KIAA1549L: variants seen among roughly 807,000 people sequenced by gnomAD.
KIAA1549L encodes the protein KIAA1549 like.
Under a neutral mutation model 160.7 loss-of-function variants are expected in KIAA1549L, and 88 were observed. That is an observed-to-expected ratio of 0.55 (90% confidence interval 0.46 to 0.65). The LOEUF (loss-of-function observed/expected upper bound fraction) is 0.65. Ranked by LOEUF, KIAA1549L falls within the 30% of genes least tolerant of loss-of-function variation. The pLI is 0.00. For missense variants in KIAA1549L, 2,258 were observed against 2,437.5 expected (o/e 0.93, Z 1.55); for synonymous variants, 950 against 976.7 (o/e 0.97, Z 0.51).
intron 1 of KIAA1549L, among the ~76,000 whole-genome samples, chr11:33,507,292 A>T (rs1853113785): frequency 6.6e-6 from 1 of 152,060 alleles, no homozygotes; most frequent in Admixed American, 6.6e-5. Flanking sequence ...CTTCATGAGG[A>T]TGGGGTGGAG....
At chr11:33,630,368 C>T (rs1372796362) in intron 16 of KIAA1549L, among the ~76,000 whole-genome samples, 1 of 152,250 alleles carries the variant, frequency 6.6e-6, no homozygotes, top group Non-Finnish European at 1.5e-5. Flanking sequence ...GGCGGGCGCC[C>T]CTCCCCCAGC....
intron 11 of KIAA1549L, among the ~76,000 whole-genome samples, chr11:33,589,559 C>T (rs1343313993): frequency 6.6e-6 from 1 of 152,186 alleles, no homozygotes; most frequent in Non-Finnish European, 1.5e-5. Flanking sequence ...GGCACATATA[C>T]ACCATGGAAT....
At chr11:33,540,085 G>A (rs145086486) in intron 1 of KIAA1549L, among the ~76,000 whole-genome samples, 6 of 152,134 alleles carry the variant, frequency 3.9e-5, no homozygotes, top group Admixed American at 2.6e-4. Flanking sequence ...TCTCTTGGCC[G>A]TGGTCATTCA....
chr11:33,495,282 C>T (rs1357526461), intron 1 of KIAA1549L, among the ~76,000 whole-genome samples: 1 of 151,586 alleles, frequency 6.6e-6, no homozygotes. Context: ...CCCCATCCCC[C>T]CACCCCACAA....
intron 1 of KIAA1549L, among the ~76,000 whole-genome samples, chr11:33,479,676 C>A (rs79659372): frequency 1.3e-5 from 2 of 152,142 alleles, no homozygotes; most frequent in Non-Finnish European, 2.9e-5. Flanking sequence ...GATTCTCAAA[C>A]CTTTTCTGTT....
At chr11:33,623,398 C>A (rs1226366794) in intron 16 of KIAA1549L, among the ~76,000 whole-genome samples, 1 of 152,200 alleles carries the variant, frequency 6.6e-6, no homozygotes, top group Non-Finnish European at 1.5e-5. Context: ...CCTCCATAGC[C>A]CCTCATCTTA....
intron 1 of KIAA1549L, among the ~76,000 whole-genome samples, chr11:33,465,767 G>A (rs770824468): frequency 2.0e-5 from 3 of 152,110 alleles, no homozygotes; most frequent in Non-Finnish European, 2.9e-5. Flanking sequence ...TTAATAGATT[G>A]TGCCGGGAAA....
chr11:33,602,437 TTGTC>T (rs1333111518), intron 13 of KIAA1549L, among the ~76,000 whole-genome samples: 12 of 152,238 alleles, frequency 7.9e-5, no homozygotes, highest in African/African-American at 2.4e-4. Flanking sequence ...CTATTATAGA[TTGTC>T]TGAGCTTTAA....
At chr11:33,503,793 C>T (rs1390670192) in intron 1 of KIAA1549L, among the ~76,000 whole-genome samples, 1 of 152,240 alleles carries the variant, frequency 6.6e-6, no homozygotes, top group Non-Finnish European at 1.5e-5. Context: ...AGGCTTTTCT[C>T]ACCTCACAAT....
At chr11:33,391,387 C>T (rs1367679286) in intron 1 of KIAA1549L, among the ~76,000 whole-genome samples, 4 of 152,302 alleles carry the variant, frequency 2.6e-5, no homozygotes, top group Middle Eastern at 3.4e-3. Flanking sequence ...GCGGAGTCCA[C>T]GTGGTACCCT....
At chr11:33,661,194 A>T (rs568911556) in intron 20 of KIAA1549L, among the ~76,000 whole-genome samples, 180 bp downstream of exon 20, 27 of 152,228 alleles carry the variant, frequency 1.8e-4, no homozygotes, top group Non-Finnish European at 3.5e-4. Flanking sequence ...TGTCCCCTTG[A>T]CAGAGGACCT....
Position 33,542,263 on chromosome 11 carries a change from C to A in KIAA1549L, c.700C>A (p.Pro234Thr), listed in dbSNP as rs1320269743. The A allele has an allele frequency of 3.1e-6, 2 of 653,274 alleles. No homozygotes were observed. The highest frequency in any genetic ancestry group is 5.5e-5 in the East Asian group (2 of 36,356). 40.5% of individuals were successfully genotyped at this position (653,274 alleles called of 1,614,324 possible). ...WAGTSSISKHPPRSDIPPLLP... is the reference protein window; with the variant it reads ...WAGTSSISKHTPRSDIPPLLP... ...AGGGACTTCCTCCATTTCAAAGCATCCCCCAAGGTCAGACATTCCCCCACT... is the reference window on the plus strand; with the variant it reads ...AGGGACTTCCTCCATTTCAAAGCATACCCCAAGGTCAGACATTCCCCCACT... Residue 234 changes from proline to threonine, a missense_variant, in exon 2 of 21, where the codon CCC becomes ACC. Physicochemically the swap from Pro to Thr is conservative, Grantham distance 38. Transcript: ENST00000658780.
chr11:33,630,437 GT>G (rs1306514174), intron 16 of KIAA1549L, among the ~76,000 whole-genome samples: 1 of 151,926 alleles, frequency 6.6e-6, no homozygotes, highest in African/African-American at 2.4e-5. Flanking sequence ...GCGAGACTCC[GT>G]GGGCGTAGGC....
intron 1 of KIAA1549L, among the ~76,000 whole-genome samples, chr11:33,430,972 T>C (rs1021987820): frequency 6.6e-5 from 10 of 151,872 alleles, no homozygotes; most frequent in Non-Finnish European, 1.3e-4. Context: ...AGGTGGCGCG[T>C]CTGGAGTTTG....
intron 1 of KIAA1549L, among the ~76,000 whole-genome samples, chr11:33,518,821 A>G (rs945274380): frequency 6.6e-6 from 1 of 152,182 alleles, no homozygotes; most frequent in Admixed American, 6.5e-5. Flanking sequence ...CTTATCTGAA[A>G]TGCTTGGGAA....
At chr11:33,545,771 T>A (rs1485681362) in intron 3 of KIAA1549L, among the ~76,000 whole-genome samples, 1 of 152,222 alleles carries the variant, frequency 6.6e-6, no homozygotes, top group Non-Finnish European at 1.5e-5. Context: ...GAAACCATGG[T>A]TCTGCCAGTG....
chr11:33,629,750 G>A lies in KIAA1549L; in HGVS notation c.5409+11088G>A, dbSNP rs1441214063. Among the ~76,000 whole-genome samples, 262 of 149,046 alleles carry A rather than the reference G, an allele frequency of 1.8e-3. 10 individuals carry two copies. Among genetic ancestry groups the A allele is most frequent in the African/African-American group, 4.9e-3 (190 of 38,636 alleles). On this transcript the variant is annotated intron_variant, in intron 16 of 20. Coordinates refer to ENST00000658780, the MANE Select transcript of KIAA1549L (RefSeq NM_012194.3). ...TGGTTCGAATGTCCTCCCGTAGCTCGGAGTAATTTGATCGTCTGAAGCCTT... is the reference window on the plus strand; with the variant it reads ...TGGTTCGAATGTCCTCCCGTAGCTCAGAGTAATTTGATCGTCTGAAGCCTT...
intron 12 of KIAA1549L, 61 bp from the exon 13 acceptor site, chr11:33,598,759 T>G: frequency 3.1e-6 from 5 of 1,597,086 alleles, no homozygotes; most frequent in Non-Finnish European, 4.3e-6. Context: ...TAAAATAACC[T>G]TGAGAGGCGG....
intron 16 of KIAA1549L, among the ~76,000 whole-genome samples, chr11:33,643,058 A>T (rs566959000): frequency 1.3e-5 from 2 of 152,166 alleles, no homozygotes; most frequent in Non-Finnish European, 2.9e-5. Context: ...TTCTATCTGT[A>T]GCTATCGAGA....
Sources: allele counts gnomAD v4.1 joint callset (sites outside exome capture counted in the v4.1 genomes callset), GRCh38; gene constraint gnomAD v4.1.1; transcripts MANE v1.5; gene names NCBI Gene and HGNC (gene_info 2026-07-23, HGNC 2026-07-21).